Variants in PCNX2 observed in about 807,000 individuals in gnomAD.
PCNX2 encodes pecanex 2.
Under a neutral mutation model 223.8 loss-of-function variants are expected in PCNX2, and 168 were observed. That is an observed-to-expected ratio of 0.75 (90% CI 0.66 to 0.85). PCNX2 has a LOEUF of 0.85. Among genes scored for constraint, PCNX2 ranks in the 40% least tolerant of loss-of-function variants. The pLI is 0.00. For missense variants in PCNX2, 2,507 were observed against 2,675.5 expected (o/e 0.94, Z 1.39); for synonymous variants, 1,006 against 1,052.6 (o/e 0.96, Z 0.86).
the PCNX2 span, among the ~76,000 whole-genome samples, chr1:233,302,719 A>G: frequency 1.5e-4 from 22 of 151,694 alleles, no homozygotes; most frequent in Non-Finnish European, 2.1e-4. Flanking sequence ...CAAAATTTCA[A>G]TATATTTTAC....
At position 233,200,271 on chromosome 1, in the gene PCNX2, A is replaced by G. The variant is rs1257896064; in HGVS notation, c.2864-7T>C. 2 of 1,540,822 alleles carry G rather than the reference A, an allele frequency of 1.3e-6. No homozygotes were observed. The highest frequency in any genetic ancestry group is 1.8e-6 in the Non-Finnish European group (2 of 1,134,764). On this transcript the variant is annotated splice_polypyrimidine_tract_variant and splice_region_variant and intron_variant, in intron 13 of 33. Coordinates refer to ENST00000258229, the MANE Select transcript of PCNX2 (RefSeq NM_014801.4). The stretch of plus-strand genomic sequence containing the variant: ...GGGAAGCAATATAAAAATACTGAAA[A>G]TGAACAAACAAAATTGACGATAAGC...
At chr1:233,110,783 T>C (rs1675067946) in intron 21 of PCNX2, among the ~76,000 whole-genome samples, 1 of 151,130 alleles carries the variant, frequency 6.6e-6, no homozygotes, top group Non-Finnish European at 1.5e-5. Flanking sequence ...ACACTACATA[T>C]AAAGTGGTAT....
At chr1:233,089,520 T>C (rs1012501001) in intron 23 of PCNX2, among the ~76,000 whole-genome samples, 1 of 152,218 alleles carries the variant, frequency 6.6e-6, no homozygotes, top group East Asian at 1.9e-4. Flanking sequence ...CACCAATTGC[T>C]TAAGGAAATT....
intron 25 of PCNX2, 143 bp from the exon 26 acceptor site, chr1:233,025,542 T>A: frequency 9.8e-7 from 1 of 1,023,126 alleles, no homozygotes; most frequent in Non-Finnish European, 1.4e-6. Flanking sequence ...CTCAAATAAG[T>A]CCCCCAAAGA....
chr1:233,285,326 T>A (rs1179026095), intron 1 of PCNX2, among the ~76,000 whole-genome samples: 1 of 151,972 alleles, frequency 6.6e-6, no homozygotes, highest in Admixed American at 6.6e-5. Flanking sequence ...TTCTCCAGCC[T>A]GAGTGACAAT....
Position 233,161,330 on chromosome 1 carries a change from C to A in PCNX2, c.3307G>T (p.Ala1103Ser), listed in dbSNP as rs540162129. ...GCAAATGAGAGGACAGCAACCACTG[C>A]GCAGACGATGAGATCCCATTTTAAG... ...DVLKWDLIVC[A>S]VVAVLSFAVS... Residue 1103 changes from alanine to serine, a missense_variant, in exon 18 of 34, where the codon GCA (alanine) becomes TCA (serine). Physicochemically the swap from Ala to Ser is moderately conservative, Grantham distance 99. Around this residue, in one of 3 missense-constraint regions of PCNX2, gnomAD observed 1,372 missense variants for 1,509.4 expected, o/e 0.91. Coordinates refer to ENST00000258229, the MANE Select transcript of PCNX2 (RefSeq NM_014801.4). 5 of 1,613,868 alleles carry A rather than the reference C, an allele frequency of 3.1e-6. No homozygotes were observed. The South Asian group carries it at 5.5e-5, about 18-fold the overall frequency.
At chr1:233,108,728 A>G (rs10910661) in intron 21 of PCNX2, among the ~76,000 whole-genome samples, 28,429 of 152,088 alleles carry the variant, frequency 0.19, 2,784 homozygotes, top group East Asian at 0.25. Flanking sequence ...TGCAGCTGGG[A>G]GGGAAGGGAT....
intron 17 of PCNX2, among the ~76,000 whole-genome samples, chr1:233,169,632 G>A (rs188369030): frequency 3.3e-5 from 4 of 120,478 alleles, no homozygotes; most frequent in South Asian, 2.6e-4. Flanking sequence ...GCGACAGAGC[G>A]AAACTCCGTC....
intron 21 of PCNX2, among the ~76,000 whole-genome samples, chr1:233,130,894 T>C (rs1676465901): frequency 6.6e-6 from 1 of 151,688 alleles, no homozygotes; most frequent in African/African-American, 2.4e-5. Context: ...AGGTAGAGAA[T>C]ATCATGAGGG....
chr1:233,075,889 A>C (rs1279841766), intron 23 of PCNX2, among the ~76,000 whole-genome samples: 1 of 152,188 alleles, frequency 6.6e-6, no homozygotes, highest in Non-Finnish European at 1.5e-5. Context: ...AAGACTACTC[A>C]ATATTTTAAA....
At position 233,289,383 on chromosome 1, in the gene PCNX2, C is replaced by A. The variant is rs1272079646; in HGVS notation, c.153+5943G>T. Reference sequence around the variant, plus strand: ...CAGCTCCAGAAGAGCCTGGGAGATGCGGGACTCGAACTCGTCCGGCTTCTC... The same window carrying A: ...CAGCTCCAGAAGAGCCTGGGAGATGAGGGACTCGAACTCGTCCGGCTTCTC... On this transcript the variant is annotated intron_variant, in intron 1 of 33. Coordinates refer to ENST00000258229, the MANE Select transcript of PCNX2 (RefSeq NM_014801.4). 6.0e-6 allele frequency: 8 copies of A among 1,327,384 alleles called. No homozygotes were observed. In the South Asian group the frequency reaches 7.0e-5, roughly 12 times the overall value. 82.2% of individuals were successfully genotyped at this position (1,327,384 alleles called of 1,614,324 possible).
At chr1:232,997,255 C>T (rs1333854516) in intron 32 of PCNX2, among the ~76,000 whole-genome samples, 1 of 152,194 alleles carries the variant, frequency 6.6e-6, no homozygotes, top group East Asian at 1.9e-4. Flanking sequence ...AATTAATTGA[C>T]AGCTGTCTCA....
the PCNX2 span, among the ~76,000 whole-genome samples, chr1:233,310,104 C>G: frequency 6.6e-6 from 1 of 152,068 alleles, no homozygotes; most frequent in African/African-American, 2.4e-5. Context: ...GAATCTGAGT[C>G]TATATTCATG....
intron 19 of PCNX2, among the ~76,000 whole-genome samples, chr1:233,145,536 T>C (rs527916324): frequency 2.0e-5 from 3 of 152,258 alleles, no homozygotes; most frequent in African/African-American, 7.2e-5. Context: ...TTTCCTGGAA[T>C]GACCCTGAGT....
intron 26 of PCNX2, among the ~76,000 whole-genome samples, chr1:233,022,082 C>T (rs1009767949): frequency 1.3e-5 from 2 of 152,128 alleles, no homozygotes; most frequent in Non-Finnish European, 2.9e-5. Context: ...ATCTGCTGGC[C>T]CCATGGTGAC....
chr1:233,258,065 G>A lies in PCNX2; in HGVS notation c.1797C>T (p.Gly599=). 6.2e-7 allele frequency: 1 copy of A among 1,613,956 alleles called. No homozygotes were observed. Among genetic ancestry groups the A allele is most frequent in the East Asian group, 2.2e-5 (1 of 44,872 alleles). Residue 599 remains glycine, a synonymous_variant, in exon 5 of 34, where the codon GGC becomes GGT. Coordinates refer to ENST00000258229, the MANE Select transcript of PCNX2 (RefSeq NM_014801.4). ...SKMTASSQLN[G]SAEQNEESGL... ...CACTTTCTTCATTCTGCTCAGCTGAGCCATTCAGTTGACTGGATGCCGTCA... is the reference window on the plus strand; with the variant it reads ...CACTTTCTTCATTCTGCTCAGCTGAACCATTCAGTTGACTGGATGCCGTCA...
intron 28 of PCNX2, among the ~76,000 whole-genome samples, chr1:233,011,227 A>G (rs1223938159): frequency 1.3e-5 from 2 of 152,206 alleles, no homozygotes; most frequent in East Asian, 3.8e-4. Flanking sequence ...CTTATTTCAG[A>G]ATTGTAAGCA....
At chr1:233,082,380 A>C (rs769851496) in intron 23 of PCNX2, among the ~76,000 whole-genome samples, 6 of 152,158 alleles carry the variant, frequency 3.9e-5, no homozygotes, top group Non-Finnish European at 7.4e-5. Context: ...ATGGGTCTGA[A>C]AGCTCTAATA....
chr1:233,089,379 T>G lies in PCNX2; in HGVS notation c.4076+682A>C, dbSNP rs561556211. ...CCAGCTGAAGACCTCCAGGTACACA[T>G]GCTTTCCTTCCCTGCTAGCTATTCT... On this transcript the variant is annotated intron_variant, in intron 23 of 33. Coordinates refer to ENST00000258229, the MANE Select transcript of PCNX2 (RefSeq NM_014801.4). Among the ~76,000 whole-genome samples the G allele has an allele frequency of 2.0e-5, 3 of 152,260 alleles. No individual in the cohort carries two copies. The South Asian group carries it at 6.2e-4, about 32-fold the overall frequency.
Sources: allele counts gnomAD v4.1 joint callset (sites outside exome capture counted in the v4.1 genomes callset), GRCh38; gene constraint gnomAD v4.1.1; regional missense constraint gnomAD v4.1.1; transcripts MANE v1.5; gene names NCBI Gene and HGNC (gene_info 2026-07-23, HGNC 2026-07-21).